VSIG1: variants seen among roughly 807,000 people sequenced by gnomAD.
VSIG1 encodes V-set and immunoglobulin domain-containing protein 1.
Under a neutral mutation model 20.1 loss-of-function variants are expected in VSIG1, and 11 were observed. That is an observed-to-expected ratio of 0.55 (90% CI 0.34 to 0.91). VSIG1 has a LOEUF of 0.91. Ranked by LOEUF, VSIG1 falls within the 40% of genes least tolerant of loss-of-function variation. The pLI is 0.02. For missense variants in VSIG1, 283 were observed against 298.8 expected (o/e 0.95, Z 0.39); for synonymous variants, 126 against 116.7 (o/e 1.08, Z -0.52).
At chrX:108,053,811 A>G (rs2030837837) in intron 1 of VSIG1, among the ~76,000 whole-genome samples, 1 of 111,368 alleles carries the variant, frequency 9.0e-6, no homozygotes, top group Admixed American at 9.6e-5. Context: ...ACATTGGTAT[A>G]ATTGTTCTAT....
upstream of VSIG1, among the ~76,000 whole-genome samples, chrX:108,043,902 A>C (rs73251772): frequency 0.4 from 44,590 of 111,198 alleles, 6,855 homozygotes; most frequent in Non-Finnish European, 0.46. Flanking sequence ...GGCATGAGTT[A>C]ATGTGGCTAA....
At chrX:108,068,191 T>G (rs781633998) in intron 3 of VSIG1, among the ~76,000 whole-genome samples, 10 of 112,059 alleles carry the variant, frequency 8.9e-5, no homozygotes, top group African/African-American at 2.9e-4. Context: ...TGCCACTGCA[T>G]CTACCCACCT....
At chrX:108,042,988 G>A (rs1285129766), upstream of VSIG1, among the ~76,000 whole-genome samples, 1 of 110,845 alleles carries the variant, frequency 9.0e-6, no homozygotes, top group Non-Finnish European at 1.9e-5. Flanking sequence ...GAATAGAGGT[G>A]AAAAGGAAAA....
At chrX:108,047,790 C>CTCTA (rs1255650169) in intron 1 of VSIG1, among the ~76,000 whole-genome samples, 8 of 55,653 alleles carry the variant, frequency 1.4e-4, no homozygotes, top group East Asian at 4.6e-4. Context: ...CTCTCTCTCT[C>CTCTA]TATATATATA....
At chrX:108,036,371 C>T in the VSIG1 span, among the ~76,000 whole-genome samples, 2 of 110,559 alleles carry the variant, frequency 1.8e-5, no homozygotes, top group Non-Finnish European at 3.8e-5. Context: ...GGAAGTGCAA[C>T]TGCACATGCC....
At chrX:108,025,025 T>C in the VSIG1 span, among the ~76,000 whole-genome samples, 1 of 111,551 alleles carries the variant, frequency 9.0e-6, no homozygotes, top group South Asian at 3.7e-4. Context: ...CTGTTTGTTG[T>C]AGTCATTGTT....
At chrX:108,068,163 G>A (rs773605659) in intron 3 of VSIG1, among the ~76,000 whole-genome samples, 2 of 112,153 alleles carry the variant, frequency 1.8e-5, no homozygotes, top group Non-Finnish European at 3.8e-5. Context: ...GGAACCAGCT[G>A]ACATTTACTG....
chrX:108,059,934 CA>C (rs2030987957), intron 2 of VSIG1, among the ~76,000 whole-genome samples: 1 of 111,759 alleles, frequency 8.9e-6, no homozygotes, highest in Non-Finnish European at 1.9e-5. Context: ...GGCAAGGCCA[CA>C]AATTTTTATT....
intron 3 of VSIG1, among the ~76,000 whole-genome samples, chrX:108,069,089 G>T (rs1168859331): frequency 8.9e-6 from 1 of 111,827 alleles, no homozygotes; most frequent in Non-Finnish European, 1.9e-5. Context: ...ACAATCTAAA[G>T]AAGCCAAGTC....
At chrX:108,020,894 G>T in the VSIG1 span, among the ~76,000 whole-genome samples, 1 of 111,801 alleles carries the variant, frequency 8.9e-6, no homozygotes, top group East Asian at 2.8e-4. Context: ...ACAGCATGGT[G>T]CTGCTGAACA....
At chrX:108,039,342 GC>G in the VSIG1 span, among the ~76,000 whole-genome samples, 1 of 110,110 alleles carries the variant, frequency 9.1e-6, no homozygotes, top group African/African-American at 3.4e-5. Flanking sequence ...GCCACCACAC[GC>G]CCAGCTAATT....
intron 2 of VSIG1, 94 bp downstream of exon 2, chrX:108,058,295 C>A: frequency 1.1e-6 from 1 of 886,225 alleles, no homozygotes; most frequent in Non-Finnish European, 1.6e-6. Flanking sequence ...GAATGGCATG[C>A]CAGTGACAGT....
rs17254305 is a variant in VSIG1, at chrX:108,072,703, G to A, written c.439G>A (p.Val147Ile). ...LVKPSKPLCS[V>I]QGRPETGHTI... ...GAAACCTTCTAAGCCCCTTTGTAGCGTTCAAGGAAGACCAGAAACTGGCCA... is the reference window on the plus strand; with the variant it reads ...GAAACCTTCTAAGCCCCTTTGTAGCATTCAAGGAAGACCAGAAACTGGCCA... Residue 147 changes from valine (V) to isoleucine (I), a missense_variant, in exon 4 of 7, where the codon GTT becomes ATT. Transcript: ENST00000217957. The A allele has an allele frequency of 0.019, 23,570 of 1,209,525 alleles. 192 individuals are homozygous for A. Among genetic ancestry groups the A allele is most frequent in the Middle Eastern group, 0.033 (142 of 4,352 alleles).
upstream of VSIG1, chrX:108,044,966 G>A (rs1162533684): frequency 3.1e-6 from 1 of 327,477 alleles, no homozygotes; most frequent in Non-Finnish European, 5.3e-6. Context: ...AATCTGTACT[G>A]AAAAAAGTCT....
At chrX:108,039,211 G>A in the VSIG1 span, among the ~76,000 whole-genome samples, 1 of 111,407 alleles carries the variant, frequency 9.0e-6, no homozygotes, top group African/African-American at 3.3e-5. Context: ...ATGGAGTCTC[G>A]CTCCCCAGTC....
the VSIG1 span, among the ~76,000 whole-genome samples, chrX:108,028,935 G>C: frequency 9.0e-6 from 1 of 111,554 alleles, no homozygotes; most frequent in East Asian, 2.8e-4. Flanking sequence ...AAATGAGCTT[G>C]GGTAGCCATT....
At chrX:108,037,643 A>T in the VSIG1 span, among the ~76,000 whole-genome samples, 1 of 112,566 alleles carries the variant, frequency 8.9e-6, no homozygotes, top group Non-Finnish European at 1.9e-5. Context: ...CATTTAAAAA[A>T]CATTTCACCT....
the VSIG1 span, among the ~76,000 whole-genome samples, chrX:108,034,955 A>AC: frequency 8.9e-6 from 1 of 112,001 alleles, no homozygotes; most frequent in Non-Finnish European, 1.9e-5. Context: ...ACAAATGACC[A>AC]ACAATAAAAA....
chrX:108,075,188 C>T (rs1602584892), intron 5 of VSIG1, among the ~76,000 whole-genome samples: 2 of 110,706 alleles, frequency 1.8e-5, no homozygotes, highest in Non-Finnish European at 3.8e-5. Flanking sequence ...TCTCCAACTT[C>T]TAGGGTACGA....
Sources: gnomAD v4.1 joint callset for allele counts (sites outside exome capture counted in the v4.1 genomes callset) on GRCh38, gnomAD v4.1.1 for gene constraint, MANE v1.5 for transcripts, NCBI Gene and HGNC (gene_info 2026-07-23, HGNC 2026-07-21) for gene names.